The following ZNF729 variants were observed in gnomAD, a reference collection of about 807,000 sequenced individuals.
ZNF729 encodes zinc finger protein 729.
A neutral mutation model predicts 12.2 loss-of-function variants in ZNF729; 15 were observed. The ratio of observed to expected loss-of-function variants is 1.23; its 90% CI spans 0.82 to 1.89. The LOEUF (loss-of-function observed/expected upper bound fraction) is 1.89. Ranked by LOEUF, ZNF729 falls within the 40% of genes most tolerant of loss-of-function variation. The probability of loss-of-function intolerance (pLI) is 0.00; values close to 1 mark genes in which losing one functional copy is unlikely to be tolerated. For missense variants in ZNF729, 1,540 were observed against 1,456.7 expected (o/e 1.06, Z -0.93); for synonymous variants, 492 against 476.3 (o/e 1.03, Z -0.43).
In ZNF729 at chr19:22,314,268, G is replaced by C; in HGVS notation, c.851G>C (p.Arg284Thr). Residue 284 changes from arginine to threonine, a missense_variant, in exon 4 of 4, where the codon AGA (arginine) becomes ACA (threonine). Transcript: ENST00000601693. ...NQSSNLTDHK[R>T]IHTGEKTYKC... Reference sequence around the variant, plus strand: ...TCCTCAAATCTTACTGACCATAAGAGAATTCATACTGGAGAGAAAACCTAC... The same window carrying C: ...TCCTCAAATCTTACTGACCATAAGACAATTCATACTGGAGAGAAAACCTAC... 1.2e-6 allele frequency: 2 copies of C among 1,608,956 alleles called. No individual in the cohort carries two copies. The highest frequency in any genetic ancestry group is 1.7e-6 in the Non-Finnish European group (2 of 1,178,398).
chr19:22,304,094 A>G (rs1182701234), intron 2 of ZNF729, among the ~76,000 whole-genome samples: 3 of 141,728 alleles, frequency 2.1e-5, no homozygotes, highest in Non-Finnish European at 3.0e-5. Flanking sequence ...GCTGGAGTGC[A>G]GTGGTGCAAT....
intron 3 of ZNF729, among the ~76,000 whole-genome samples, chr19:22,308,910 G>GTTATCTTT (rs1968417268): frequency 6.6e-6 from 1 of 152,104 alleles, no homozygotes; most frequent in Non-Finnish European, 1.5e-5. Context: ...GATACAGAGA[G>GTTATCTTT]AACCCTCCCT....
At chr19:22,289,887 C>T (rs1186356303) in intron 1 of ZNF729, among the ~76,000 whole-genome samples, 2 of 151,748 alleles carry the variant, frequency 1.3e-5, no homozygotes, top group African/African-American at 2.4e-5. Context: ...TGACTGTTTA[C>T]TACATGATTT....
intron 3 of ZNF729, among the ~76,000 whole-genome samples, chr19:22,307,635 C>T (rs1459385233): frequency 1.0e-4 from 15 of 149,628 alleles, no homozygotes; most frequent in African/African-American, 3.2e-4. Context: ...CCCAGGTACT[C>T]GGGAGGCTGA....
At position 22,314,523 on chromosome 19, in the gene ZNF729, T is replaced by C. The variant is rs763835197; in HGVS notation, c.1106T>C (p.Ile369Thr). ...TCAACCCTTAGAAAACATGAGATAA[T>C]TCATACTGGAGAGAAACCCTACAAA... ...QSSTLRKHEI[I>T]HTGEKPYKCE... The change falls in exon 4 of 4, where the codon ATT becomes ACT. Residue 369 changes from isoleucine (I) to threonine (T), a missense_variant. Transcript: ENST00000601693. The C allele has an allele frequency of 1.1e-5, 18 of 1,610,820 alleles. No homozygotes were observed. In the African/African-American group the frequency reaches 2.4e-4, roughly 22 times the overall value.
At chr19:22,297,654 TA>T (rs1377483575) in intron 1 of ZNF729, among the ~76,000 whole-genome samples, 1 of 151,676 alleles carries the variant, frequency 6.6e-6, no homozygotes, top group Non-Finnish European at 1.5e-5. Context: ...GATATATATA[TA>T]TATATATATG....
In ZNF729 at chr19:22,314,645, G is replaced by A. The variant is rs200480847; in HGVS notation, c.1228G>A (p.Gly410Ser). The change falls in exon 4 of 4, where the codon GGC becomes AGC. Residue 410 changes from glycine (G) to serine (S), a missense_variant. Physicochemically the swap from Gly to Ser is moderately conservative, Grantham distance 56. Transcript: ENST00000601693. Reference sequence around the variant, plus strand: ...GAAACCCTACAAATGTGAAGAATGTGGCAAAGCTTTTAGCCAGTTCTCAAC... The same window carrying A: ...GAAACCCTACAAATGTGAAGAATGTAGCAAAGCTTTTAGCCAGTTCTCAAC... ...GEKPYKCEEC[G>S]KAFSQFSTLK... 2 of 1,612,546 alleles carry A rather than the reference G, an allele frequency of 1.2e-6. No individual in the cohort carries two copies.
At position 22,316,288 on chromosome 19, in the gene ZNF729, T is replaced by C; in HGVS notation, c.2871T>C (p.Ile957=). The C allele has an allele frequency of 6.2e-7, 1 of 1,613,606 alleles. No homozygotes were observed. Among genetic ancestry groups the C allele is most frequent in the Middle Eastern group, 1.7e-4 (1 of 6,052 alleles). ...CAACCCTTATGAAGCATAAGATAAT[T>C]CATACTGGGAAGAAACCATACAAAT... The part of the protein sequence containing the change: ...DSSTLMKHKI[I]HTGKKPYKCA... The change falls in exon 4 of 4, where the codon ATT becomes ATC. Residue 957 remains isoleucine (I), a synonymous_variant. Coordinates refer to ENST00000601693, the MANE Select transcript of ZNF729 (RefSeq NM_001242680.2).
chr19:22,303,981 ATGAGTT>A, intron 2 of ZNF729, 97 bp downstream of exon 2: 2 of 1,272,346 alleles, frequency 1.6e-6, no homozygotes, highest in Non-Finnish European at 2.1e-6. Flanking sequence ...CTTACTATAA[ATGAGTT>A]TCACATCCCT....
intron 3 of ZNF729, among the ~76,000 whole-genome samples, chr19:22,313,156 A>C (rs1436940506): frequency 6.6e-6 from 1 of 151,860 alleles, no homozygotes; most frequent in East Asian, 1.9e-4. Flanking sequence ...CCCCAAGTTC[A>C]AGTGATTGCC....
rs1409158760 is a variant in ZNF729 at position 22,314,050 on chromosome 19, A to G, written c.633A>G (p.Glu211=). 1.3e-6 allele frequency: 2 copies of G among 1,542,284 alleles called. No individual in the cohort carries two copies. Among genetic ancestry groups the G allele is most frequent in the Non-Finnish European group, 1.7e-6 (2 of 1,145,830 alleles). Residue 211 remains glutamate, a synonymous_variant, in exon 4 of 4, where the codon GAA becomes GAG. Coordinates refer to ENST00000601693, the MANE Select transcript of ZNF729 (RefSeq NM_001242680.2). The part of the protein sequence containing the change: ...IHIRQNIYKC[E]ERGKAFKSFS... The stretch of plus-strand genomic sequence containing the variant: ...TTAGACAGAATATCTACAAATGTGA[A>G]GAACGTGGCAAAGCCTTTAAATCGT...
rs1968524241 is a variant in ZNF729 at position 22,315,699 on chromosome 19, T to C, written c.2282T>C (p.Ile761Thr). ...TCAGCCCTTAGAAAACATAAGGTAA[T>C]TCATACTAGGGAGAAATTGTACAAA... is the stretch of plus-strand genomic sequence containing the variant. ...HFSALRKHKV[I>T]HTREKLYKCE... Residue 761 changes from isoleucine (I) to threonine (T), a missense_variant, in exon 4 of 4, where the codon ATT becomes ACT. Coordinates refer to ENST00000601693, the MANE Select transcript of ZNF729 (RefSeq NM_001242680.2). 3 of 1,605,758 alleles carry C rather than the reference T, an allele frequency of 1.9e-6. No individual in the cohort carries two copies. Among genetic ancestry groups the C allele is most frequent in the Admixed American group, 1.7e-5 (1 of 59,350 alleles).
At chr19:22,309,908 G>T (rs1968430429) in intron 3 of ZNF729, among the ~76,000 whole-genome samples, 1 of 150,638 alleles carries the variant, frequency 6.6e-6, no homozygotes, top group Non-Finnish European at 1.5e-5. Context: ...AGTTTTCCTT[G>T]TAGAGATCTT....
rs1968556926 is a variant in ZNF729, at chr19:22,316,965, C to T, written c.3548C>T (p.Thr1183Ile). ...CTTACTAGACACAAAACAATTCATA[C>T]TGGAGAGAAACCCTACAAATGTGAA... ...SHLTRHKTIH[T>I]GEKPYKCEEC... Residue 1183 changes from threonine (T) to isoleucine (I), a missense_variant, in exon 4 of 4, where the codon ACT (threonine) becomes ATT (isoleucine). By Grantham distance (89) the Thr-to-Ile change is moderately conservative (BLOSUM62 -1). Coordinates refer to ENST00000601693, the MANE Select transcript of ZNF729 (RefSeq NM_001242680.2). 1 of 1,612,840 alleles carries T rather than the reference C, an allele frequency of 6.2e-7. No individual in the cohort carries two copies.
intron 1 of ZNF729, among the ~76,000 whole-genome samples, chr19:22,287,241 A>G (rs1472575711): frequency 6.6e-6 from 1 of 151,836 alleles, no homozygotes; most frequent in Admixed American, 6.6e-5. Context: ...TAATTTACAA[A>G]AAAAAAAATG....
intron 1 of ZNF729, among the ~76,000 whole-genome samples, chr19:22,294,612 C>A (rs1341263177): frequency 1.4e-5 from 2 of 147,220 alleles, no homozygotes; most frequent in African/African-American, 5.0e-5. Flanking sequence ...GAATAGTTTT[C>A]CATTTATTTG....
intron 3 of ZNF729, among the ~76,000 whole-genome samples, 160 bp from the exon 4 acceptor site, chr19:22,313,511 G>A (rs1173204549): frequency 1.3e-5 from 2 of 152,078 alleles, no homozygotes; most frequent in East Asian, 1.9e-4. Flanking sequence ...TATTTGGTCA[G>A]TATGTTTTTG....
intron 3 of ZNF729, among the ~76,000 whole-genome samples, chr19:22,309,247 C>T (rs1420844407): frequency 6.6e-6 from 1 of 152,032 alleles, no homozygotes; most frequent in Non-Finnish European, 1.5e-5. Flanking sequence ...GAGTTCGAGA[C>T]CAGGCTGACC....
At chr19:22,312,574 A>G (rs1425634561) in intron 3 of ZNF729, among the ~76,000 whole-genome samples, 2 of 152,090 alleles carry the variant, frequency 1.3e-5, no homozygotes, top group Admixed American at 6.6e-5. Flanking sequence ...CTGCTGTAAC[A>G]TCTAACTTTG....
Sources: allele counts gnomAD v4.1 joint callset (sites outside exome capture counted in the v4.1 genomes callset), GRCh38; gene constraint gnomAD v4.1.1; transcripts MANE v1.5; gene names NCBI Gene and HGNC (gene_info 2026-07-23, HGNC 2026-07-21).